SPTBN5: variants seen among roughly 807,000 people sequenced by gnomAD.
The protein encoded by SPTBN5 is spectrin beta, non-erythrocytic 5.
SPTBN5 carries 513 observed loss-of-function variants against 477.6 expected under a neutral mutation model. The observed-to-expected ratio is 1.07, with a 90% CI of 1.00 to 1.16. The LOEUF is 1.16. SPTBN5 is among the 50% of genes most tolerant of loss of function. The pLI, the probability that SPTBN5 is intolerant of heterozygous loss-of-function variation, is 0.00. For synonymous variants in SPTBN5, 2,169 were observed against 2,011.7 expected (o/e 1.08, Z -2.09); for missense variants, 5,062 against 4,731.8 (o/e 1.07, Z -2.05).
intron 5 of SPTBN5, 112 bp from the exon 6 acceptor site, chr15:41,887,553 T>C: frequency 2.3e-6 from 2 of 871,178 alleles, no homozygotes; most frequent in Non-Finnish European, 3.6e-6. Context: ...TCTTGTGAAT[T>C]CGTTTTCCCG....
At position 41,852,317 on chromosome 15, in the gene SPTBN5, C is replaced by A. The variant is rs545616295; in HGVS notation, c.10450-1G>T. ...GCTGCAGCAGGAGCTCCTGTTCCAT[C>A]TTGGGGAGTGGGCAAGGTGGGCAAG... is the stretch of plus-strand genomic sequence containing the variant. On this transcript the variant is annotated splice_acceptor_variant, in intron 61 of 67. Coordinates refer to ENST00000320955, the MANE Select transcript of SPTBN5 (RefSeq NM_016642.4). LOFTEE classifies it high-confidence loss of function. 18 of 1,576,940 alleles carry A rather than the reference C, an allele frequency of 1.1e-5. 1 individual carries two copies. The highest frequency in any genetic ancestry group is 1.7e-6 in the Non-Finnish European group (2 of 1,159,644).
At chr15:41,862,047 C>A in intron 44 of SPTBN5, 83 bp downstream of exon 44, 1 of 1,503,012 alleles carries the variant, frequency 6.7e-7, no homozygotes, top group Non-Finnish European at 8.9e-7. Context: ...ACTCAGGAGG[C>A]CCAAGAGCAA....
Position 41,871,787 on chromosome 15 carries a change from C to T in SPTBN5, c.5296G>A (p.Ala1766Thr), listed in dbSNP as rs759244358. 2.1e-5 allele frequency: 33 copies of T among 1,584,414 alleles called. No individual in the cohort carries two copies. The South Asian group carries it at 2.2e-4, about 11-fold the overall frequency. ...GESLGEDPEH[A>T]LHLCTKFAKF... ...GACCCTGGCCCTCTTCTCACCAGGG[C>T]GTGCTCGGGGTCCTCTCCCAGGCTC... Residue 1766 changes from alanine (A) to threonine (T), a missense_variant, in exon 28 of 68, where the codon GCC (alanine) becomes ACC (threonine). Ala to Thr is a moderately conservative substitution (Grantham distance 58, BLOSUM62 0). Coordinates refer to ENST00000320955, the MANE Select transcript of SPTBN5 (RefSeq NM_016642.4).
rs1414317796 is a variant in SPTBN5 at position 41,849,864 on chromosome 15, C to G, written c.11012+5G>C. On this transcript the variant is annotated splice_donor_5th_base_variant and intron_variant, in intron 67 of 67. Transcript: ENST00000320955. ...CGCCCTGCTTCCCCCACCCAGGTGTCCCACCTGAGTAGACATCCAGGCCGG... is the reference window on the plus strand; with the variant it reads ...CGCCCTGCTTCCCCCACCCAGGTGTGCCACCTGAGTAGACATCCAGGCCGG... 10 of 1,564,110 alleles carry G rather than the reference C, an allele frequency of 6.4e-6. No homozygotes were observed. Among genetic ancestry groups the G allele is most frequent in the Admixed American group, 1.9e-5 (1 of 52,802 alleles).
chr15:41,853,521 A>G, intron 58 of SPTBN5, 61 bp downstream of exon 58: 12 of 1,538,474 alleles, frequency 7.8e-6, no homozygotes, highest in Non-Finnish European at 1.1e-5. Context: ...CTCCCCCAAG[A>G]GCCAGGATAC....
intron 16 of SPTBN5, 49 bp downstream of exon 16, chr15:41,879,210 CT>C: frequency 6.4e-7 from 1 of 1,569,712 alleles, no homozygotes; most frequent in Non-Finnish European, 8.7e-7. Context: ...CTGCCCACGC[CT>C]TCCCATGGTC....
At position 41,855,229 on chromosome 15, in the gene SPTBN5, C is replaced by CA. The variant is rs80303149; in HGVS notation, c.9417dup (p.Val3140CysfsTer9). On this transcript the variant is annotated frameshift_variant, in exon 55 of 68. Coordinates refer to ENST00000320955, the MANE Select transcript of SPTBN5 (RefSeq NM_016642.4). LOFTEE classifies it high-confidence loss of function. ...TTTGCTCAGGAGTAACTCACCTTGA[C>CA]ACCCTCCAGGTCCTGCCCGTAGTCC... 3.5e-5 allele frequency: 56 copies of CA among 1,609,204 alleles called. No individual in the cohort carries two copies. The East Asian group carries it at 1.2e-3, about 35-fold the overall frequency.
At position 41,876,665 on chromosome 15, in the gene SPTBN5, G is replaced by GGGT; in HGVS notation, c.3852-19_3852-18insACC. 1 of 1,292,942 alleles carries GGGT rather than the reference G, an allele frequency of 7.7e-7. No homozygotes were observed. The highest frequency in any genetic ancestry group is 1.1e-6 in the Non-Finnish European group (1 of 904,832). The allele number at this position is 1,292,942 out of a possible 1,614,324, so 80.1% of individuals were successfully genotyped here. A position where few individuals can be genotyped will look rare whatever the true frequency, so the allele number is the denominator to read the frequency against. On this transcript the variant is annotated intron_variant, in intron 19 of 67. Coordinates refer to ENST00000320955, the MANE Select transcript of SPTBN5 (RefSeq NM_016642.4). ...CTCTGACCCTGGAGGGCGGGGGGGGGTTGGAGGAGGGCATGGGAGAGGACT... is the reference window on the plus strand; with the variant it reads ...CTCTGACCCTGGAGGGCGGGGGGGGGGGTTTGGAGGAGGGCATGGGAGAGGACT...
In SPTBN5 at chr15:41,882,274, G is replaced by A. The variant is rs1264676211; in HGVS notation, c.2242C>T (p.Leu748=). ...CCTCCACCCCTCCCCACTACCTGCA[G>A]GACCAGCAGGGCTGTCTGCAGCCGT... The part of the protein sequence containing the change: ...GARLQTALLV[L]QYFADAAEAA... Residue 748 remains leucine (L), a synonymous_variant, in exon 11 of 68, where the codon CTG becomes TTG. Coordinates refer to ENST00000320955, the MANE Select transcript of SPTBN5 (RefSeq NM_016642.4). 4 of 1,233,924 alleles carry A rather than the reference G, an allele frequency of 3.2e-6. No homozygotes were observed. The South Asian group carries it at 4.0e-5, about 12-fold the overall frequency. 76.4% of individuals were successfully genotyped at this position (1,233,924 alleles called of 1,614,324 possible).
In SPTBN5 at chr15:41,855,652, G is replaced by A. The variant is rs746110806; in HGVS notation, c.9115C>T (p.Arg3039Trp). ...TCTCTCTTGGTGGCCTCCAGCCGCC[G>A]CAGAAGGGCCTGTGTGGCTTCAGCA... ...HSAEATQALL[R>W]RLEATKRDLE... Residue 3039 changes from arginine (R) to tryptophan (W), a missense_variant, in exon 54 of 68, where the codon CGG becomes TGG. By Grantham distance (101) the Arg-to-Trp change is moderately radical. Transcript: ENST00000320955. The A allele has an allele frequency of 2.4e-5, 38 of 1,607,588 alleles. No individual in the cohort carries two copies. Among genetic ancestry groups the A allele is most frequent in the Admixed American group, 6.7e-5 (4 of 59,546 alleles).
rs780525796 is a variant in SPTBN5 at position 41,866,097 on chromosome 15, G to C, written c.6763C>G (p.Arg2255Gly). 73 of 1,557,158 alleles carry C rather than the reference G, an allele frequency of 4.7e-5. No individual in the cohort carries two copies. The highest frequency in any genetic ancestry group is 6.0e-5 in the Non-Finnish European group (69 of 1,151,114). ...CTCTGCAGGAACTCCAGGAAGTTCC[G>C]CCTGTCCTCCAGCTCCTGGCCCCTG... ...ALRGQELEDR[R>G]NFLEFLQRVD... The change falls in exon 38 of 68, where the codon CGG (arginine) becomes GGG (glycine). Residue 2255 changes from arginine to glycine, a missense_variant. Transcript: ENST00000320955.
At position 41,851,353 on chromosome 15, in the gene SPTBN5, C is replaced by G; in HGVS notation, c.10673G>C (p.Trp3558Ser). 1 of 1,550,896 alleles carries G rather than the reference C, an allele frequency of 6.4e-7. No homozygotes were observed. Among genetic ancestry groups the G allele is most frequent in the Non-Finnish European group, 8.7e-7 (1 of 1,146,962 alleles). ...PGGRQPSSSSWDSCRGNLQGS... is the reference protein window; with the variant it reads ...PGGRQPSSSSSDSCRGNLQGS... The stretch of plus-strand genomic sequence containing the variant: ...CTGCAAGTTCCCGCGGCAGCTGTCC[C>G]AGGAGCTCGAGCTAGGCTGTGGAGA... Residue 3558 changes from tryptophan (W) to serine (S), a missense_variant, in exon 64 of 68, where the codon TGG becomes TCG. Physicochemically the swap from Trp to Ser is radical, Grantham distance 177 (BLOSUM62 -3). Transcript: ENST00000320955.
chr15:41,874,713 T>C (rs1211430505), intron 23 of SPTBN5, 129 bp downstream of exon 23: 1 of 1,030,894 alleles, frequency 9.7e-7, no homozygotes, highest in South Asian at 1.7e-5. Context: ...TCTCCGACCC[T>C]CCCATCCCAG....
rs949747607 is a variant in SPTBN5, at chr15:41,862,700, C to T, written c.7264-40G>A. On this transcript the variant is annotated intron_variant, in intron 42 of 67. Coordinates refer to ENST00000320955, the MANE Select transcript of SPTBN5 (RefSeq NM_016642.4). ...GGGGTCAGAGGCTGGGGCAGGGGAG[C>T]TCTGGGCCACCCAAGCCCCTCCTCC... The T allele has an allele frequency of 2.6e-6, 4 of 1,539,542 alleles. No individual in the cohort carries two copies. In the African/African-American group the frequency reaches 5.5e-5, roughly 21 times the overall value.
chr15:41,888,852 G>C (rs1007975103), intron 4 of SPTBN5, among the ~76,000 whole-genome samples: 2 of 152,212 alleles, frequency 1.3e-5, no homozygotes, highest in African/African-American at 4.8e-5. Context: ...GGAAGGACGT[G>C]CATGGTGCCC....
rs577800529 is a variant in SPTBN5, at chr15:41,879,676, C to T, written c.2942+58G>A. On this transcript the variant is annotated intron_variant, in intron 15 of 67. Transcript: ENST00000320955. ...CATGGCGGGAGGCAGGTGAGTCAGGCCCAGGCTGGGCACTGTGTCTGCCTG... is the reference window on the plus strand; with the variant it reads ...CATGGCGGGAGGCAGGTGAGTCAGGTCCAGGCTGGGCACTGTGTCTGCCTG... 59 of 1,598,820 alleles carry T rather than the reference C, an allele frequency of 3.7e-5. No individual in the cohort carries two copies. The South Asian group carries it at 6.6e-4, about 18-fold the overall frequency.
chr15:41,863,812 C>G lies in SPTBN5; in HGVS notation c.7041G>C (p.Ala2347=), dbSNP rs373431456. 1 of 1,613,862 alleles carries G rather than the reference C, an allele frequency of 6.2e-7. No individual in the cohort carries two copies. Among genetic ancestry groups the G allele is most frequent in the South Asian group, 1.1e-5 (1 of 91,078 alleles). ...ACCGGAGCAAGTTGCCATGGAAACT[C>G]GCCCACCTGGCCAAGGGGTGGTGGT... ...QRRSQLNNRW[A]SFHGNLLRYQ... Residue 2347 remains alanine (A), a synonymous_variant, in exon 41 of 68, where the codon GCG becomes GCC. Transcript: ENST00000320955.
intron 11 of SPTBN5, 53 bp from the exon 12 acceptor site, chr15:41,882,198 G>A: frequency 6.8e-7 from 1 of 1,474,244 alleles, no homozygotes; most frequent in Non-Finnish European, 8.9e-7. Context: ...CTGAGCGCGG[G>A]CAGGTGCTGG....
At chr15:41,864,598 G>A (rs893664947) in intron 39 of SPTBN5, among the ~76,000 whole-genome samples, 1 of 152,198 alleles carries the variant, frequency 6.6e-6, no homozygotes, top group African/African-American at 2.4e-5. Flanking sequence ...ACAAGCGTGA[G>A]CCACTGTGCC....
Sources: gnomAD v4.1 joint callset for allele counts (sites outside exome capture counted in the v4.1 genomes callset) on GRCh38, gnomAD v4.1.1 for gene constraint, MANE v1.5 for transcripts, NCBI Gene and HGNC (gene_info 2026-07-23, HGNC 2026-07-21) for gene names.